The following NEK11 variants were observed in gnomAD, a reference collection of about 807,000 sequenced individuals.
NEK11 encodes NIMA related kinase 11.
Under a neutral mutation model 80.7 loss-of-function variants are expected in NEK11, and 72 were observed. The ratio of observed to expected loss-of-function variants is 0.89; its 90% CI spans 0.74 to 1.08. NEK11 has a LOEUF of 1.08. Ranked by LOEUF, NEK11 falls within the 50% of genes least tolerant of loss-of-function variation. The pLI is 0.00. For missense variants in NEK11, 764 were observed against 763.6 expected, an observed-to-expected ratio of 1.00 and a Z score of -0.01; for synonymous variants, 251 against 260.7, an observed-to-expected ratio of 0.96 and a Z score of 0.36.
At chr3:131,255,660 C>T (rs954049947) in intron 16 of NEK11, among the ~76,000 whole-genome samples, 1 of 152,148 alleles carries the variant, frequency 6.6e-6, no homozygotes, top group Non-Finnish European at 1.5e-5. Context: ...AATGCTTCCC[C>T]TCCCGACTGC....
intron 5 of NEK11, among the ~76,000 whole-genome samples, chr3:131,124,139 C>A (rs896377013): frequency 2.0e-5 from 3 of 152,154 alleles, no homozygotes; most frequent in African/African-American, 7.2e-5. Context: ...GGACATATGG[C>A]ATGTCACTCC....
intron 17 of NEK11, among the ~76,000 whole-genome samples, chr3:131,333,416 C>G (rs2097128343): frequency 6.6e-6 from 1 of 152,226 alleles, no homozygotes; most frequent in South Asian, 2.1e-4. Context: ...CAAGCAAATG[C>G]TGAGAGATTT....
chr3:131,162,843 G>A (rs2091795008), intron 11 of NEK11, among the ~76,000 whole-genome samples: 1 of 152,120 alleles, frequency 6.6e-6, no homozygotes. Flanking sequence ...TACCCCAGCA[G>A]GAGACATCAC....
chr3:131,049,076 A>T, intron 3 of NEK11, among the ~76,000 whole-genome samples: 1 of 152,192 alleles, frequency 6.6e-6, no homozygotes, highest in Non-Finnish European at 1.5e-5. Context: ...AATTAATAGT[A>T]CATACAATAA....
intron 4 of NEK11, among the ~76,000 whole-genome samples, chr3:131,103,440 A>G (rs1287296557): frequency 1.3e-5 from 2 of 152,160 alleles, no homozygotes. Context: ...TTAGCAAAGT[A>G]TTTTTGTTGT....
intron 3 of NEK11, among the ~76,000 whole-genome samples, chr3:131,041,384 A>G (rs977423139): frequency 6.6e-6 from 1 of 152,224 alleles, no homozygotes; most frequent in Non-Finnish European, 1.5e-5. Context: ...GCAGTTGACT[A>G]TTGAACTTGC....
intron 3 of NEK11, among the ~76,000 whole-genome samples, chr3:131,051,341 C>T (rs9811420): frequency 0.91 from 138,410 of 152,176 alleles, 63,473 homozygotes; most frequent in Non-Finnish European, 0.95. Flanking sequence ...GCATTTTCTC[C>T]GTAGTTACTT....
chr3:131,092,802 CTCTT>C (rs752095951), intron 4 of NEK11: 10 of 152,116 alleles, frequency 6.6e-5, no homozygotes, highest in Non-Finnish European at 1.2e-4. Flanking sequence ...CGGAAAGTTC[CTCTT>C]TATTATTTTT....
In NEK11 at chr3:131,162,404, A is replaced by G. The variant is rs199720839; in HGVS notation, c.963-4A>G. On this transcript the variant is annotated splice_region_variant and splice_polypyrimidine_tract_variant and intron_variant, in intron 10 of 17. Transcript: ENST00000383366. ...TATATGAGGGGAATCTTTGTTATTT[A>G]TAGGCAAAAAAGGATCCACCTGCAG... is the stretch of plus-strand genomic sequence containing the variant. 9 of 1,611,416 alleles carry G rather than the reference A, an allele frequency of 5.6e-6. No individual in the cohort carries two copies. The Admixed American group carries it at 1.5e-4, about 27-fold the overall frequency.
At chr3:131,295,898 G>A (rs901203987) in intron 17 of NEK11, among the ~76,000 whole-genome samples, 2 of 152,088 alleles carry the variant, frequency 1.3e-5, no homozygotes, top group African/African-American at 4.8e-5. Flanking sequence ...GGAGTGGAGT[G>A]GTACAATTTC....
At chr3:131,153,492 G>A (rs2090064935) in intron 9 of NEK11, among the ~76,000 whole-genome samples, 1 of 152,140 alleles carries the variant, frequency 6.6e-6, no homozygotes, top group Admixed American at 6.5e-5. Flanking sequence ...CCTCTTTAGA[G>A]GGCTTTTGTT....
rs141660383 is a variant in NEK11, at chr3:131,341,748, TA to T, written c.1719-7808del. Reference sequence around the variant, plus strand: ...TGAATTATTATGTAGTGACTTTCTTTATCTCTAATAATGCTTTTTTAACTTA... The same window carrying T: ...TGAATTATTATGTAGTGACTTTCTTTTCTCTAATAATGCTTTTTTAACTTA... On this transcript the variant is annotated intron_variant, in intron 17 of 17. Coordinates refer to ENST00000383366, the MANE Select transcript of NEK11 (RefSeq NM_024800.5). Among the ~76,000 whole-genome samples, 37 of 152,334 alleles carry T rather than the reference TA, an allele frequency of 2.4e-4. No homozygotes were observed. The East Asian group carries it at 6.9e-3, about 29-fold the overall frequency.
intron 14 of NEK11, among the ~76,000 whole-genome samples, chr3:131,181,766 A>AAAAAAAAG (rs572008326): frequency 6.6e-6 from 1 of 150,388 alleles, no homozygotes; most frequent in African/African-American, 2.4e-5. Flanking sequence ...AAAAAAAAAA[A>AAAAAAAAG]GAAAAGATAA....
chr3:131,251,731 C>T (rs1172149877), intron 16 of NEK11, among the ~76,000 whole-genome samples: 1 of 152,028 alleles, frequency 6.6e-6, no homozygotes, highest in Non-Finnish European at 1.5e-5. Flanking sequence ...ACAGGAAGCC[C>T]CTTAACCCTT....
intron 17 of NEK11, among the ~76,000 whole-genome samples, chr3:131,313,269 C>T (rs1245387029): frequency 6.6e-6 from 1 of 152,116 alleles, no homozygotes; most frequent in Non-Finnish European, 1.5e-5. Flanking sequence ...GTAAATGGTG[C>T]TGCAGTGAAT....
chr3:131,163,526 G>A (rs2091887946), intron 11 of NEK11, among the ~76,000 whole-genome samples: 2 of 152,030 alleles, frequency 1.3e-5, no homozygotes, highest in Admixed American at 1.3e-4. Context: ...ACTTATATAT[G>A]GAATCTTAAA....
intron 14 of NEK11, among the ~76,000 whole-genome samples, chr3:131,194,608 T>G (rs192658259): frequency 6.6e-6 from 1 of 152,068 alleles, no homozygotes; most frequent in Admixed American, 6.5e-5. Context: ...TATAAATTTA[T>G]ATTTTATAAT....
chr3:131,267,106 G>T (rs2096073807), intron 16 of NEK11, among the ~76,000 whole-genome samples: 1 of 152,148 alleles, frequency 6.6e-6, no homozygotes, highest in Admixed American at 6.5e-5. Context: ...TGGGTCTCCT[G>T]AATACAGCAT....
intron 14 of NEK11, among the ~76,000 whole-genome samples, chr3:131,212,065 A>G (rs998710073): frequency 2.0e-5 from 3 of 152,192 alleles, no homozygotes; most frequent in Non-Finnish European, 4.4e-5. Flanking sequence ...TAGAATTATC[A>G]GACTTTCTTC....
Sources: allele counts gnomAD v4.1 joint callset (sites outside exome capture counted in the v4.1 genomes callset), GRCh38; gene constraint gnomAD v4.1.1; transcripts MANE v1.5; gene names NCBI Gene and HGNC (gene_info 2026-07-23, HGNC 2026-07-21).